TRIM54: variants seen among roughly 807,000 people sequenced by gnomAD.
TRIM54 encodes the protein tripartite motif-containing protein 54.
In TRIM54, 40 loss-of-function variants were observed where a neutral mutation model predicts 42.0. The ratio of observed to expected loss-of-function variants is 0.95; its 90% CI spans 0.74 to 1.24. The LOEUF (loss-of-function observed/expected upper bound fraction) is 1.24, where lower values mean the gene tolerates loss of function less well. TRIM54 is among the 50% of genes most tolerant of loss of function. The pLI, the probability that TRIM54 is intolerant of heterozygous loss-of-function variation, is 0.00. For synonymous variants in TRIM54, 199 were observed against 194.9 expected (o/e 1.02, Z -0.17); for missense variants, 485 against 480.3 (o/e 1.01, Z -0.09).
intron 1 of TRIM54, among the ~76,000 whole-genome samples, chr2:27,283,770 A>ACACACACG (rs1553379049): frequency 8.0e-5 from 8 of 100,502 alleles, no homozygotes; most frequent in African/African-American, 3.4e-4. Context: ...AAAGGCACAC[A>ACACACACG]CACACACACG....
intron 1 of TRIM54, among the ~76,000 whole-genome samples, chr2:27,293,519 C>CA (rs1678777355): frequency 6.6e-6 from 1 of 152,134 alleles, no homozygotes; most frequent in Non-Finnish European, 1.5e-5. Context: ...ATTTCACAGA[C>CA]AAACAGGTCA....
intron 1 of TRIM54, among the ~76,000 whole-genome samples, chr2:27,287,387 G>A (rs1678603095): frequency 6.6e-6 from 1 of 151,918 alleles, no homozygotes; most frequent in Non-Finnish European, 1.5e-5. Context: ...GTAATTTTTT[G>A]TAGAGACAAG....
At chr2:27,283,772 A>ACGCGCGTGCGCG (rs1413594548) in intron 1 of TRIM54, among the ~76,000 whole-genome samples, 1 of 112,088 alleles carries the variant, frequency 8.9e-6, no homozygotes, top group Non-Finnish European at 1.8e-5. Flanking sequence ...AGGCACACAC[A>ACGCGCGTGCGCG]CACACACGCG....
intron 1 of TRIM54, among the ~76,000 whole-genome samples, chr2:27,291,647 A>G (rs991712992): frequency 3.3e-5 from 5 of 152,230 alleles, no homozygotes; most frequent in Non-Finnish European, 1.5e-5. Context: ...CTATTTTATT[A>G]CAAGTCAAAT....
At position 27,306,857 on chromosome 2, in the gene TRIM54, C is replaced by G; in HGVS notation, c.*2-30C>G. On this transcript the variant is annotated intron_variant, in intron 8 of 8. Coordinates refer to ENST00000380075, the MANE Select transcript of TRIM54 (RefSeq NM_187841.3). This position sits in a 1 kb window ranked among gnomAD's most constrained non-coding sequence, Gnocchi z 6.1. ...AGCTGCCTCGTGCCTTCGCAGCACC[C>G]GCCCACCGAGCCTTCTTTCCCGGGC... 4.5e-6 allele frequency: 2 copies of G among 445,690 alleles called. No homozygotes were observed. Among genetic ancestry groups the G allele is most frequent in the Non-Finnish European group, 8.0e-6 (2 of 249,328 alleles). The allele number at this position is 445,690 out of a possible 1,614,324, so 27.6% of individuals were successfully genotyped here.
At chr2:27,284,611 G>C (rs1240016924) in intron 1 of TRIM54, among the ~76,000 whole-genome samples, 1 of 152,080 alleles carries the variant, frequency 6.6e-6, no homozygotes, top group African/African-American at 2.4e-5. Context: ...GAGAGGCAAT[G>C]CTTTGCCCAC....
intron 1 of TRIM54, among the ~76,000 whole-genome samples, chr2:27,295,591 C>T (rs1352817907): frequency 2.0e-5 from 3 of 152,172 alleles, no homozygotes; most frequent in African/African-American, 7.2e-5. Context: ...CGGGCATGAG[C>T]CAGCGCGCCT....
Position 27,298,604 on chromosome 2 carries a change from C to G in TRIM54, c.206C>G (p.Thr69Ser). Residue 69 changes from threonine to serine, a missense_variant, in exon 2 of 9, where the codon ACT becomes AGT. Thr to Ser is a moderately conservative substitution (Grantham distance 58). Coordinates refer to ENST00000380075, the MANE Select transcript of TRIM54 (RefSeq NM_187841.3). ...NPLWQSRGST[T>S]VSSGGRFRCP... ...CTATGGCAGTCCCGGGGCTCCACCA[C>G]TGTGTCTTCAGGAGGCCGTTTCCGC... is the stretch of plus-strand genomic sequence containing the variant. 6.2e-7 allele frequency: 1 copy of G among 1,614,168 alleles called. No individual in the cohort carries two copies. The highest frequency in any genetic ancestry group is 8.5e-7 in the Non-Finnish European group (1 of 1,180,016).
At chr2:27,298,534 G>T (rs374440228) in intron 1 of TRIM54, 33 bp from the exon 2 acceptor site, 1 of 1,592,220 alleles carries the variant, frequency 6.3e-7, no homozygotes, top group Non-Finnish European at 8.6e-7. Context: ...ATGCCTCCCC[G>T]TGCCTGTTCT....
At chr2:27,299,872 T>G (rs915980607) in intron 3 of TRIM54, among the ~76,000 whole-genome samples, 15 of 149,320 alleles carry the variant, frequency 1.0e-4, no homozygotes, top group African/African-American at 3.8e-4. Flanking sequence ...CACCCAGCTT[T>G]TTTGTTTTTT....
At chr2:27,298,864 CTG>C in intron 2 of TRIM54, 125 bp downstream of exon 2, 2 of 1,089,480 alleles carry the variant, frequency 1.8e-6, no homozygotes, top group Non-Finnish European at 2.6e-6. Context: ...GACCATAGGA[CTG>C]GATCCGGAGA....
At chr2:27,288,088 T>G (rs1028080835) in intron 1 of TRIM54, among the ~76,000 whole-genome samples, 1 of 152,214 alleles carries the variant, frequency 6.6e-6, no homozygotes, top group African/African-American at 2.4e-5. Flanking sequence ...CAGCTCAGCT[T>G]TTACCAAAAC....
At chr2:27,302,150 A>G (rs953522668) in intron 3 of TRIM54, among the ~76,000 whole-genome samples, 1 of 151,586 alleles carries the variant, frequency 6.6e-6, no homozygotes, top group Non-Finnish European at 1.5e-5. Context: ...GCAAAACTCC[A>G]TCCAAAAATA....
chr2:27,296,285 G>T (rs13404327), intron 1 of TRIM54, among the ~76,000 whole-genome samples: 63,243 of 152,020 alleles, frequency 0.42, 17,314 homozygotes, highest in African/African-American at 0.77. Flanking sequence ...GTTTGGAGAA[G>T]TTCATGCATC....
chr2:27,283,298 C>T (rs1342539923), intron 1 of TRIM54, among the ~76,000 whole-genome samples: 6 of 151,892 alleles, frequency 4.0e-5, no homozygotes, highest in African/African-American at 4.8e-5. Flanking sequence ...GATAATGAAA[C>T]GTTAAAAAAC....
At chr2:27,283,304 AAAAC>A (rs369471385) in intron 1 of TRIM54, among the ~76,000 whole-genome samples, 1,765 of 152,306 alleles carry the variant, frequency 0.012, 32 homozygotes, top group African/African-American at 0.041. Flanking sequence ...GAAACGTTAA[AAAAC>A]AAACAAACAA....
rs372346323 is a variant in TRIM54 at position 27,282,758 on chromosome 2, G to T, written c.27G>T (p.Pro9=). The T allele has an allele frequency of 2.5e-6, 4 of 1,611,440 alleles. No homozygotes were observed. The highest frequency in any genetic ancestry group is 3.4e-6 in the Non-Finnish European group (4 of 1,178,776). MNFTVGFK[P]LLGDAHSMDN... is the part of the protein sequence containing the mutation. The stretch of plus-strand genomic sequence containing the variant: ...TGAACTTCACAGTGGGTTTCAAGCC[G>T]CTGCTAGGGGATGCACACAGCATGG... The change falls in exon 1 of 9, where the codon CCG becomes CCT. Residue 9 remains proline (P), a synonymous_variant. Coordinates refer to ENST00000380075, the MANE Select transcript of TRIM54 (RefSeq NM_187841.3).
Position 27,299,391 on chromosome 2 carries a change from T to G in TRIM54, c.488T>G (p.Leu163Arg). Residue 163 changes from leucine to arginine, a missense_variant, in exon 3 of 9, where the codon CTG becomes CGG. Physicochemically the swap from Leu to Arg is moderately radical, Grantham distance 102. Transcript: ENST00000380075. ...GAHKDCEVAP[L>R]PTIYKRQKSE... The stretch of plus-strand genomic sequence containing the variant: ...CACAAGGACTGTGAGGTGGCCCCAC[T>G]GCCCACCATTTACAAACGCCAGAAG... 1 of 1,614,074 alleles carries G rather than the reference T, an allele frequency of 6.2e-7. No homozygotes were observed. The highest frequency in any genetic ancestry group is 8.5e-7 in the Non-Finnish European group (1 of 1,180,010).
Position 27,287,682 on chromosome 2 carries a change from C to A in TRIM54, c.168+4783C>A, listed in dbSNP as rs577659176. Among the ~76,000 whole-genome samples, 7 of 152,152 alleles carry A rather than the reference C, an allele frequency of 4.6e-5. No individual in the cohort carries two copies. In the East Asian group the frequency reaches 9.7e-4, roughly 21 times the overall value. On this transcript the variant is annotated intron_variant, in intron 1 of 8. Coordinates refer to ENST00000380075, the MANE Select transcript of TRIM54 (RefSeq NM_187841.3). Reference sequence around the variant, plus strand: ...AGGATTACAGGCATGTACCACCACACTCAGCTAATTAAAAAAAAAATGTTT... The same window carrying A: ...AGGATTACAGGCATGTACCACCACAATCAGCTAATTAAAAAAAAAATGTTT...
Sources: gnomAD v4.1 joint callset for allele counts (sites outside exome capture counted in the v4.1 genomes callset) on GRCh38, gnomAD v4.1.1 for gene constraint, Gnocchi (gnomAD v3.1) non-coding constraint, MANE v1.5 for transcripts, NCBI Gene and HGNC (gene_info 2026-07-23, HGNC 2026-07-21) for gene names.